SENP8: variants seen among roughly 807,000 people sequenced by gnomAD.
SENP8 encodes sentrin-specific protease 8.
SENP8 carries 10 observed loss-of-function variants against 14.4 expected under a neutral mutation model. The ratio of observed to expected loss-of-function variants is 0.69; its 90% CI spans 0.43 to 1.18. The LOEUF (loss-of-function observed/expected upper bound fraction) is 1.18. Ranked by LOEUF, SENP8 falls within the 50% of genes most tolerant of loss-of-function variation. The pLI is 0.00. For synonymous variants in SENP8, 94 were observed against 95.5 expected (o/e 0.98, Z 0.09); for missense variants, 202 against 249.4 (o/e 0.81, Z 1.28).
chr15:72,134,988 A>G (rs1596655805), intron 1 of SENP8: 1 of 313,726 alleles, frequency 3.2e-6, no homozygotes, highest in African/African-American at 2.3e-5. Flanking sequence ...AAAAGAAGGA[A>G]GCCAAAGAGA....
intron 1 of SENP8, among the ~76,000 whole-genome samples, chr15:72,137,700 C>T (rs1486092056): frequency 1.3e-5 from 2 of 152,266 alleles, no homozygotes; most frequent in Non-Finnish European, 1.5e-5. Context: ...AGGCCAGGCG[C>T]GGTGGCTCAC....
intron 1 of SENP8, among the ~76,000 whole-genome samples, chr15:72,130,120 G>A (rs1397295712): frequency 6.6e-6 from 1 of 152,130 alleles, no homozygotes; most frequent in East Asian, 1.9e-4. Flanking sequence ...AACCTGGGAG[G>A]CAGAGGTTAC....
At chr15:72,114,263 CT>C (rs1340055602), upstream of SENP8, 1 of 152,166 alleles carries the variant, frequency 6.6e-6, no homozygotes, top group Non-Finnish European at 1.5e-5. Context: ...AGAATACTTA[CT>C]CCAACAGCAG....
intron 1 of SENP8, among the ~76,000 whole-genome samples, chr15:72,134,171 C>T (rs185393776): frequency 1.3e-5 from 2 of 152,246 alleles, no homozygotes; most frequent in Admixed American, 1.3e-4. Context: ...GTCTCGAACT[C>T]CTAAGCTCAG....
At chr15:72,128,100 G>A (rs2081237885) in intron 1 of SENP8, among the ~76,000 whole-genome samples, 1 of 150,554 alleles carries the variant, frequency 6.6e-6, no homozygotes, top group Non-Finnish European at 1.5e-5. Flanking sequence ...CAAAGAAAGA[G>A]AGAGGGAAAG....
In SENP8 at chr15:72,141,415, A is replaced by C. The variant is rs1257765720; in HGVS notation, c.*1153A>C. ...TGTGTTTCAGTTGTTTCAAATAGTA[A>C]ACAACCAGATGACATGTTAGGTACA... On this transcript the variant is annotated 3_prime_UTR_variant, in exon 2 of 2. Transcript: ENST00000340912. 3 of 152,216 alleles carry C rather than the reference A, an allele frequency of 2.0e-5. No individual in the cohort carries two copies. The highest frequency in any genetic ancestry group is 7.2e-5 in the African/African-American group (3 of 41,462). 9.4% of individuals were successfully genotyped at this position (152,216 alleles called of 1,614,324 possible).
In SENP8 at chr15:72,139,737, C is replaced by T; in HGVS notation, c.114C>T (p.Tyr38=). The change falls in exon 2 of 2, where the codon TAC becomes TAT. Residue 38 remains tyrosine (Y), a synonymous_variant. Transcript: ENST00000340912. ...ATATTATTGGGTTTGCGTTTGAGTACTTTGCCAACAGTCAGTTTCATGACT... is the reference window on the plus strand; with the variant it reads ...ATATTATTGGGTTTGCGTTTGAGTATTTTGCCAACAGTCAGTTTCATGACT... ...NDHIIGFAFE[Y]FANSQFHDCS... 1 of 1,614,192 alleles carries T rather than the reference C, an allele frequency of 6.2e-7. No homozygotes were observed. Among genetic ancestry groups the T allele is most frequent in the Non-Finnish European group, 8.5e-7 (1 of 1,180,038 alleles).
chr15:72,131,082 A>G (rs1325458511), intron 1 of SENP8, among the ~76,000 whole-genome samples: 1 of 152,210 alleles, frequency 6.6e-6, no homozygotes, highest in African/African-American at 2.4e-5. Flanking sequence ...GCATGCCTAT[A>G]GTCCCAGCTA....
intron 1 of SENP8, among the ~76,000 whole-genome samples, chr15:72,125,047 T>A (rs572736328): frequency 6.6e-6 from 1 of 152,312 alleles, no homozygotes; most frequent in African/African-American, 2.4e-5. Flanking sequence ...AGTCCTTTTT[T>A]GAACTCCAGA....
intron 1 of SENP8, among the ~76,000 whole-genome samples, chr15:72,123,905 A>G (rs141492122): frequency 1.5e-3 from 222 of 152,308 alleles, no homozygotes; most frequent in African/African-American, 4.7e-3. Context: ...GGTCAATGAC[A>G]CCTTAGCCAT....
Position 72,142,010 on chromosome 15 carries a change from T to C in SENP8, c.*1748T>C, listed in dbSNP as rs2081383904. On this transcript the variant is annotated 3_prime_UTR_variant, in exon 2 of 2. Coordinates refer to ENST00000340912, the MANE Select transcript of SENP8 (RefSeq NM_145204.4). Reference sequence around the variant, plus strand: ...TTTCTGACAATGCAAAGTATGTTTATTTAAATATCAGAGTATCTTCAATCT... The same window carrying C: ...TTTCTGACAATGCAAAGTATGTTTACTTAAATATCAGAGTATCTTCAATCT... 1 of 152,240 alleles carries C rather than the reference T, an allele frequency of 6.6e-6. No individual in the cohort carries two copies. Among genetic ancestry groups the C allele is most frequent in the African/African-American group, 2.4e-5 (1 of 41,468 alleles). The allele number at this position is 152,240 out of a possible 1,614,324, so 9.4% of individuals were successfully genotyped here. A position where few individuals can be genotyped will look rare whatever the true frequency, so the allele number is the denominator to read the frequency against.
intron 1 of SENP8, among the ~76,000 whole-genome samples, chr15:72,138,556 G>A (rs973525700): frequency 2.6e-5 from 4 of 151,290 alleles, no homozygotes; most frequent in Middle Eastern, 3.4e-3. Flanking sequence ...CACCATGTTG[G>A]CCAGGCTGGT....
rs528934743 is a variant in SENP8, at chr15:72,124,519, A to C, written c.-48+6055A>C. On this transcript the variant is annotated intron_variant, in intron 1 of 1. Transcript: ENST00000340912. ...TCTTGGATGTGATTCTTTTTGTGAA[A>C]GTGCAAGTTGAATCAGACATTAGAA... Among the ~76,000 whole-genome samples the C allele has an allele frequency of 7.9e-5, 12 of 152,354 alleles. No homozygotes were observed. In the South Asian group the frequency reaches 2.5e-3, roughly 32 times the overall value.
intron 1 of SENP8, among the ~76,000 whole-genome samples, chr15:72,120,769 A>G (rs1187403387): frequency 6.6e-6 from 1 of 152,234 alleles, no homozygotes; most frequent in African/African-American, 2.4e-5. Context: ...ATGACTATAA[A>G]TTATATTTTG....
At position 72,139,783 on chromosome 15, in the gene SENP8, A is replaced by C; in HGVS notation, c.160A>C (p.Ile54Leu). The C allele has an allele frequency of 1.1e-5, 18 of 1,614,162 alleles. No homozygotes were observed. Among genetic ancestry groups the C allele is most frequent in the Non-Finnish European group, 1.4e-5 (17 of 1,180,042 alleles). The change falls in exon 2 of 2, where the codon ATC (isoleucine) becomes CTC (leucine). Residue 54 changes from isoleucine to leucine, a missense_variant. Ile to Leu is a conservative substitution (Grantham distance 5). Transcript: ENST00000340912. ...TGACTGCTCTGATCACGTCAGTTTCATCAGCCCTGAAGTCACCCAGTTCAT... is the reference window on the plus strand; with the variant it reads ...TGACTGCTCTGATCACGTCAGTTTCCTCAGCCCTGAAGTCACCCAGTTCAT... ...FHDCSDHVSF[I>L]SPEVTQFIKC...
chr15:72,126,774 A>G (rs12592044), intron 1 of SENP8, among the ~76,000 whole-genome samples: 30,798 of 152,158 alleles, frequency 0.2, 3,314 homozygotes, highest in East Asian at 0.41. Context: ...TTACTACTAC[A>G]CTATGAGAAC....
chr15:72,138,363 T>C (rs1227877363), intron 1 of SENP8, among the ~76,000 whole-genome samples: 1 of 151,254 alleles, frequency 6.6e-6, no homozygotes, highest in African/African-American at 2.4e-5. Flanking sequence ...TTTTTTTTTT[T>C]TTTTGAGATG....
At chr15:72,134,756 T>A (rs1175503429) in intron 1 of SENP8, 2 of 243,596 alleles carry the variant, frequency 8.2e-6, no homozygotes, top group East Asian at 2.1e-4. Context: ...AAATATGATA[T>A]CGTAGACATC....
rs143788612 is a variant in SENP8, at chr15:72,139,815, C to T, written c.192C>T (p.Cys64=). ...CTGAAGTCACCCAGTTCATCAAGTG[C>T]ACTAGCAACCCAGCAGAGATTGCCA... is the stretch of plus-strand genomic sequence containing the variant. The part of the protein sequence containing the change: ...ISPEVTQFIK[C]TSNPAEIAMF... The change falls in exon 2 of 2, where the codon TGC becomes TGT. Residue 64 remains cysteine (C), a synonymous_variant. Transcript: ENST00000340912. 4.3e-6 allele frequency: 7 copies of T among 1,614,036 alleles called. No homozygotes were observed. In the African/African-American group the frequency reaches 8.0e-5, roughly 18 times the overall value.
Sources: gnomAD v4.1 joint callset for allele counts (sites outside exome capture counted in the v4.1 genomes callset) on GRCh38, gnomAD v4.1.1 for gene constraint, MANE v1.5 for transcripts, NCBI Gene and HGNC (gene_info 2026-07-23, HGNC 2026-07-21) for gene names.